Variants in MRPL14 observed in about 807,000 individuals in gnomAD.
MRPL14 encodes mitochondrial ribosomal protein L14.
In MRPL14, 8 loss-of-function variants were observed where a neutral mutation model predicts 10.9. That is an observed-to-expected ratio of 0.74 (90% CI 0.43 to 1.33). The LOEUF (loss-of-function observed/expected upper bound fraction) is 1.33, where lower values mean the gene tolerates loss of function less well. Ranked by LOEUF, MRPL14 falls within the 40% of genes most tolerant of loss-of-function variation. MRPL14 has a pLI of 0.01. For synonymous variants in MRPL14, 82 were observed against 74.1 expected (o/e 1.11, Z -0.54); for missense variants, 179 against 194.5 (o/e 0.92, Z 0.47).
intron 1 of MRPL14, 60 bp from the exon 2 acceptor site, chr6:44,116,689 T>C: frequency 8.5e-7 from 1 of 1,183,022 alleles, no homozygotes; most frequent in Non-Finnish European, 1.3e-6. Flanking sequence ...TAAAGCCAGT[T>C]TTCTTTGGGG....
intron 1 of MRPL14, among the ~76,000 whole-genome samples, chr6:44,124,191 G>C (rs988217893): frequency 3.3e-5 from 5 of 152,146 alleles, no homozygotes; most frequent in African/African-American, 1.2e-4. Context: ...CAGGAGAGTA[G>C]TGTGAAAAAG....
intron 1 of MRPL14, among the ~76,000 whole-genome samples, chr6:44,119,753 G>A (rs1776224960): frequency 6.6e-6 from 1 of 152,098 alleles, no homozygotes; most frequent in South Asian, 2.1e-4. Context: ...AGTCCTTCTG[G>A]TCCAGGCTGC....
rs1165811454 is a variant in MRPL14, at chr6:44,113,952, T to A, written c.329A>T (p.Asp110Val). 6.2e-7 allele frequency: 1 copy of A among 1,613,910 alleles called. No individual in the cohort carries two copies. The highest frequency in any genetic ancestry group is 1.7e-5 in the Admixed American group (1 of 60,022). The change falls in exon 3 of 3, where the codon GAC (aspartate) becomes GTC (valine). Residue 110 changes from aspartate to valine, a missense_variant. Asp to Val is a radical substitution (Grantham distance 152, BLOSUM62 -3). Transcript: ENST00000372014. Reference protein sequence around the residue: ...FDSNNVVLIEDNGNPVGTRIK... With the variant: ...FDSNNVVLIEVNGNPVGTRIK... ...TCGTGTCCCCACAGGGTTCCCGTTG[T>A]CCTCAATGAGGACCACGTTGTTGGA...
At chr6:44,114,258 G>C (rs1426086373) in intron 2 of MRPL14, 49 bp from the exon 3 acceptor site, 2 of 1,558,780 alleles carry the variant, frequency 1.3e-6, no homozygotes, top group Non-Finnish European at 1.7e-6. Flanking sequence ...CTTATGGTCA[G>C]GGTGCACAGG....
At chr6:44,122,492 C>G (rs763352439) in intron 1 of MRPL14, among the ~76,000 whole-genome samples, 1 of 152,148 alleles carries the variant, frequency 6.6e-6, no homozygotes, top group Non-Finnish European at 1.5e-5. Context: ...TTTTGAGGAT[C>G]AGCAAAATAT....
At chr6:44,123,250 C>T (rs376974137) in intron 1 of MRPL14, among the ~76,000 whole-genome samples, 3 of 152,178 alleles carry the variant, frequency 2.0e-5, no homozygotes, top group African/African-American at 7.2e-5. Flanking sequence ...TTGACTCGTC[C>T]AAGGTTACAA....
At chr6:44,123,885 C>T (rs935556535) in intron 1 of MRPL14, among the ~76,000 whole-genome samples, 2 of 152,086 alleles carry the variant, frequency 1.3e-5, no homozygotes, top group Non-Finnish European at 2.9e-5. Flanking sequence ...AAAAAGTAAG[C>T]AGTAGTACTT....
intron 1 of MRPL14, among the ~76,000 whole-genome samples, chr6:44,117,255 C>CAT (rs1261737648): frequency 1.4e-4 from 21 of 152,320 alleles, no homozygotes; most frequent in African/African-American, 5.1e-4. Context: ...TGACCTACAC[C>CAT]ATACTACAGC....
intron 1 of MRPL14, among the ~76,000 whole-genome samples, chr6:44,120,790 A>G (rs1220294079): frequency 2.0e-5 from 3 of 152,202 alleles, no homozygotes; most frequent in Non-Finnish European, 4.4e-5. Context: ...CAGGTCCCCC[A>G]TGGCTCTGAC....
At chr6:44,124,380 T>C (rs1298466419) in intron 1 of MRPL14, among the ~76,000 whole-genome samples, 1 of 152,250 alleles carries the variant, frequency 6.6e-6, no homozygotes, top group East Asian at 1.9e-4. Flanking sequence ...GGAAGTGCTT[T>C]AGCTTCACTC....
At chr6:44,122,868 C>T (rs1776589215) in intron 1 of MRPL14, among the ~76,000 whole-genome samples, 2 of 152,240 alleles carry the variant, frequency 1.3e-5, no homozygotes, top group African/African-American at 4.8e-5. Flanking sequence ...TTGGGACCCT[C>T]TGTCCTGTCA....
At chr6:44,121,562 C>G (rs764648566) in intron 1 of MRPL14, among the ~76,000 whole-genome samples, 10 of 152,222 alleles carry the variant, frequency 6.6e-5, no homozygotes, top group Admixed American at 1.3e-4. Flanking sequence ...GGGACCAGCC[C>G]TTGCTCTGCT....
At chr6:44,119,396 C>T (rs2396166) in intron 1 of MRPL14, among the ~76,000 whole-genome samples, 51,844 of 151,702 alleles carry the variant, frequency 0.34, 9,905 homozygotes, top group East Asian at 0.51. Context: ...GGCATGGTGG[C>T]GGCCGCCTGT....
intron 1 of MRPL14, among the ~76,000 whole-genome samples, chr6:44,117,431 T>C (rs556278178): frequency 1.6e-4 from 24 of 152,312 alleles, no homozygotes; most frequent in Non-Finnish European, 1.3e-4. Flanking sequence ...CTTCAGAGCA[T>C]GCTTCAGAAA....
intron 1 of MRPL14, among the ~76,000 whole-genome samples, chr6:44,122,292 C>T (rs1044556350): frequency 2.6e-5 from 4 of 152,108 alleles, no homozygotes; most frequent in East Asian, 3.9e-4. Flanking sequence ...ACTGTGTTAG[C>T]CAGGATGGTC....
At chr6:44,121,195 A>G (rs1280046566) in intron 1 of MRPL14, among the ~76,000 whole-genome samples, 1 of 152,034 alleles carries the variant, frequency 6.6e-6, no homozygotes, top group African/African-American at 2.4e-5. Flanking sequence ...ACTGACTTCA[A>G]TGACAGTTCC....
chr6:44,116,789 G>C (rs1775893192), intron 1 of MRPL14, among the ~76,000 whole-genome samples, 160 bp from the exon 2 acceptor site: 1 of 152,232 alleles, frequency 6.6e-6, no homozygotes, highest in Admixed American at 6.5e-5. Context: ...TGATTAGACA[G>C]AGCTGTAGCT....
rs1562106003 is a variant in MRPL14 at position 44,127,187 on chromosome 6, C to CCCCCTCCCCGTCGGGA, written c.-19+156_-19+157insTCCCGACGGGGAGGGG. 5 of 125,102 alleles carry CCCCCTCCCCGTCGGGA rather than the reference C, an allele frequency of 4.0e-5. No homozygotes were observed. The East Asian group carries it at 2.0e-3, about 51-fold the overall frequency. 7.7% of individuals were successfully genotyped at this position (125,102 alleles called of 1,614,324 possible). A position where few individuals can be genotyped will look rare whatever the true frequency, so the allele number is the denominator to read the frequency against. On this transcript the variant is annotated intron_variant, in intron 1 of 2. Coordinates refer to ENST00000372014, the MANE Select transcript of MRPL14 (RefSeq NM_032111.4). ...GTCGGGACCCCCCTCCCCGTCGGGA[C>CCCCCTCCCCGTCGGGA]CCCCCCCTCCCCGTCGGGACCCCTC...
In MRPL14 at chr6:44,113,958, A is replaced by G. The variant is rs150311946; in HGVS notation, c.323T>C (p.Ile108Thr). The G allele has an allele frequency of 5.0e-5, 80 of 1,614,012 alleles. No homozygotes were observed. The African/African-American group carries it at 7.2e-4, about 15-fold the overall frequency. Residue 108 changes from isoleucine (I) to threonine (T), a missense_variant, in exon 3 of 3, where the codon ATT becomes ACT. Physicochemically the swap from Ile to Thr is moderately conservative, Grantham distance 89. Coordinates refer to ENST00000372014, the MANE Select transcript of MRPL14 (RefSeq NM_032111.4). The stretch of plus-strand genomic sequence containing the variant: ...CCCCACAGGGTTCCCGTTGTCCTCA[A>G]TGAGGACCACGTTGTTGGAGTCGAA... ...PRFDSNNVVLIEDNGNPVGTR... is the reference protein window; with the variant it reads ...PRFDSNNVVLTEDNGNPVGTR...
Sources: allele counts gnomAD v4.1 joint callset (sites outside exome capture counted in the v4.1 genomes callset), GRCh38; gene constraint gnomAD v4.1.1; transcripts MANE v1.5; gene names NCBI Gene and HGNC (gene_info 2026-07-23, HGNC 2026-07-21).